The following KLF8 variants were observed in gnomAD, a reference collection of about 807,000 sequenced individuals.
KLF8 encodes the protein KLF transcription factor 8, also known as Krueppel-like factor 8.
Under a neutral mutation model 18.2 loss-of-function variants are expected in KLF8, and 10 were observed. That is an observed-to-expected ratio of 0.55 (90% confidence interval 0.34 to 0.93). KLF8 has a LOEUF of 0.93. Among genes scored for constraint, KLF8 ranks in the 40% least tolerant of loss-of-function variants. The pLI is 0.02. For synonymous variants in KLF8, 109 were observed against 97.3 expected, an observed-to-expected ratio of 1.12 and a Z score of -0.71; for missense variants, 264 against 277.9, an observed-to-expected ratio of 0.95 and a Z score of 0.36.
At chrX:56,212,182 C>T in the KLF8 span, among the ~76,000 whole-genome samples, 1 of 111,287 alleles carries the variant, frequency 9.0e-6, no homozygotes, top group East Asian at 2.8e-4. Context: ...TAAGCTGGTA[C>T]CCTAGATGCA....
chrX:56,090,035 C>T, the KLF8 span, among the ~76,000 whole-genome samples: 1 of 112,059 alleles, frequency 8.9e-6, no homozygotes, highest in Non-Finnish European at 1.9e-5. Context: ...AAGGGAAATA[C>T]TCAACTCCAG....
At chrX:56,140,798 A>G in the KLF8 span, among the ~76,000 whole-genome samples, 1 of 55,341 alleles carries the variant, frequency 1.8e-5, no homozygotes, top group Non-Finnish European at 3.7e-5. Flanking sequence ...CCCCTCCAGT[A>G]AAAAAAAAAA....
At chrX:56,265,076 C>T in intron 2 of KLF8, 104 bp from the exon 3 acceptor site, 1 of 980,258 alleles carries the variant, frequency 1.0e-6, no homozygotes, top group Non-Finnish European at 1.3e-6. Flanking sequence ...ACCATGTATT[C>T]CTTCCATGTG....
the KLF8 span, among the ~76,000 whole-genome samples, chrX:55,998,355 T>C: frequency 1.8e-5 from 2 of 111,752 alleles, no homozygotes; most frequent in Non-Finnish European, 3.8e-5. Flanking sequence ...GGTCTTTCCC[T>C]TCCCACGAGG....
At chrX:56,045,048 T>C in the KLF8 span, among the ~76,000 whole-genome samples, 3 of 112,294 alleles carry the variant, frequency 2.7e-5, no homozygotes, top group Non-Finnish European at 3.8e-5. Context: ...TTTAATTCTT[T>C]GGTCCATGTT....
chrX:56,246,902 A>G (rs1267900338), intron 1 of KLF8, among the ~76,000 whole-genome samples: 1 of 111,332 alleles, frequency 9.0e-6, no homozygotes, highest in African/African-American at 3.3e-5. Context: ...TATTTGATAC[A>G]CAGGACAGAT....
At chrX:56,221,913 T>C in the KLF8 span, among the ~76,000 whole-genome samples, 3 of 111,841 alleles carry the variant, frequency 2.7e-5, no homozygotes, top group Non-Finnish European at 3.8e-5. Flanking sequence ...TCCTGCTGAT[T>C]GGTCCATTTT....
chrX:56,153,061 C>T, the KLF8 span, among the ~76,000 whole-genome samples: 1 of 111,555 alleles, frequency 9.0e-6, no homozygotes, highest in Non-Finnish European at 1.9e-5. Flanking sequence ...CAATATTTAC[C>T]ATAGTGGAAA....
intron 2 of KLF8, among the ~76,000 whole-genome samples, chrX:56,251,609 C>T (rs1285173348): frequency 1.8e-5 from 2 of 110,262 alleles, no homozygotes; most frequent in South Asian, 3.8e-4. Flanking sequence ...ACTACAGGCA[C>T]GCACCACCAT....
chrX:56,263,690 A>G (rs1311813013), intron 2 of KLF8, among the ~76,000 whole-genome samples: 5 of 112,306 alleles, frequency 4.5e-5, no homozygotes, highest in African/African-American at 6.5e-5. Context: ...TAAGCATAAC[A>G]TAATTATCAC....
chrX:56,002,372 CT>C, the KLF8 span, among the ~76,000 whole-genome samples: 1 of 110,115 alleles, frequency 9.1e-6, no homozygotes, highest in Non-Finnish European at 1.9e-5. Context: ...CTTTGTACTT[CT>C]CATTTGTAGC....
chrX:56,223,142 G>A, the KLF8 span, among the ~76,000 whole-genome samples: 6 of 113,087 alleles, frequency 5.3e-5, no homozygotes, highest in Admixed American at 9.3e-5. Context: ...TTTGAACCCC[G>A]CTACAATCAA....
At chrX:55,973,620 AAT>A in the KLF8 span, among the ~76,000 whole-genome samples, 1 of 112,439 alleles carries the variant, frequency 8.9e-6, no homozygotes, top group African/African-American at 3.2e-5. Context: ...TTATTAGAGA[AAT>A]AAAAATCAAA....
chrX:56,227,501 T>C (rs2147541906), upstream of KLF8, among the ~76,000 whole-genome samples: 1 of 110,590 alleles, frequency 9.0e-6, no homozygotes, highest in South Asian at 3.9e-4. Flanking sequence ...TGCACCACCA[T>C]GCCTGGCTAA....
chrX:56,064,121 GTATA>G, the KLF8 span, among the ~76,000 whole-genome samples: 12,676 of 103,091 alleles, frequency 0.12, 1,338 homozygotes, highest in African/African-American at 0.37. Flanking sequence ...GTATGTGTGT[GTATA>G]TATATGTATA....
At chrX:55,963,629 C>T in the KLF8 span, among the ~76,000 whole-genome samples, 1 of 112,020 alleles carries the variant, frequency 8.9e-6, no homozygotes, top group East Asian at 2.8e-4. Context: ...AAAACAAGTT[C>T]TTGGACACAT....
chrX:56,108,918 A>ATTTAC, the KLF8 span, among the ~76,000 whole-genome samples: 1 of 111,462 alleles, frequency 9.0e-6, no homozygotes, highest in Non-Finnish European at 1.9e-5. Context: ...CTATTCTCTA[A>ATTTAC]TTTACCTTGT....
chrX:56,061,079 A>T, the KLF8 span, among the ~76,000 whole-genome samples: 2 of 111,168 alleles, frequency 1.8e-5, no homozygotes, highest in South Asian at 7.5e-4. Flanking sequence ...GTCTGGCTAG[A>T]GGTCTATCTA....
In KLF8 at chrX:56,232,389, T is replaced by C. The variant is rs1301925266; in HGVS notation, c.-946T>C. On this transcript the variant is annotated 5_prime_UTR_variant, in exon 1 of 6. Coordinates refer to ENST00000468660, the MANE Select transcript of KLF8 (RefSeq NM_007250.5). ...CTCTCCTCTAGCGGCCGCCTGTCCT[T>C]TTTAAGGAACTCCACCCTAGGTGGA... The C allele has an allele frequency of 9.4e-6, 1 of 106,007 alleles. No individual in the cohort carries two copies. The allele number at this position is 106,007 out of a possible 1,213,427, so 8.7% of individuals were successfully genotyped here.
Sources: allele counts gnomAD v4.1 joint callset (sites outside exome capture counted in the v4.1 genomes callset), GRCh38; gene constraint gnomAD v4.1.1; transcripts MANE v1.5; gene names NCBI Gene and HGNC (gene_info 2026-07-23, HGNC 2026-07-21).